The following MICB variants were observed in gnomAD, a reference collection of about 807,000 sequenced individuals.
MICB encodes MHC class I polypeptide-related sequence B, also known as MHC class I antigen-related protein B.
In MICB, 27 loss-of-function variants were observed where a neutral mutation model predicts 34.3. The observed-to-expected ratio is 0.79, with a 90% CI of 0.58 to 1.08. The LOEUF (loss-of-function observed/expected upper bound fraction) is 1.08. MICB is among the 50% of genes least tolerant of loss of function. The pLI is 0.00. For synonymous variants in MICB, 153 were observed against 187.4 expected, an observed-to-expected ratio of 0.82 and a Z score of 1.50; for missense variants, 426 against 483.1, an observed-to-expected ratio of 0.88 and a Z score of 1.11.
chr6:31,509,905 C>T lies in MICB; in HGVS notation c.1148C>T (p.Thr383Ile). 1 of 1,603,632 alleles carries T rather than the reference C, an allele frequency of 6.2e-7. No individual in the cohort carries two copies. Among genetic ancestry groups the T allele is most frequent in the Non-Finnish European group, 8.5e-7 (1 of 1,174,984 alleles). Residue 383 changes from threonine to isoleucine, a missense_variant, in exon 6 of 6, where the codon ACC becomes ATC. Transcript: ENST00000252229. ...ATGSTGSTEG[T>I] is the part of the protein sequence containing the mutation. ...GGGTCCACTGGTTCCACTGAGGGCA[C>T]CTAGACTCTACAGCCAGGCGGCCAG...
At chr6:31,505,298 G>A (rs1189375528) in intron 1 of MICB, among the ~76,000 whole-genome samples, 3 of 146,042 alleles carry the variant, frequency 2.1e-5, no homozygotes, top group African/African-American at 7.3e-5. Flanking sequence ...TTCCAACACT[G>A]CCTTCATGCT....
rs41283858 is a variant in MICB at position 31,504,248 on chromosome 6, C to CTTTTTT, written c.71-1364_71-1363insTTTTTT. On this transcript the variant is annotated intron_variant, in intron 1 of 5. Coordinates refer to ENST00000252229, the MANE Select transcript of MICB (RefSeq NM_005931.5). ...GCATATTCTGGAAACTAATCTCTCTCTTTTTCTTTTTTTTTTTTTTTTTTT... is the reference window on the plus strand; with the variant it reads ...GCATATTCTGGAAACTAATCTCTCTCTTTTTTTTTTTCTTTTTTTTTTTTTTTTTTT... Among the ~76,000 whole-genome samples, 59 of 71,402 alleles carry CTTTTTT rather than the reference C, an allele frequency of 8.3e-4. 1 individual carries two copies. The highest frequency in any genetic ancestry group is 3.6e-3 in the East Asian group (8 of 2,248). 46.8% of individuals were successfully genotyped at this position (71,402 alleles called of 152,430 possible).
chr6:31,496,273 T>C (rs6916394), upstream of MICB, among the ~76,000 whole-genome samples: 51,425 of 152,098 alleles, frequency 0.34, 8,844 homozygotes, highest in East Asian at 0.46. Flanking sequence ...TAATTTATCG[T>C]TTTAAAGTGT....
rs1463229139 is a variant in MICB, at chr6:31,507,600, C to T, written c.1024+69C>T. On this transcript the variant is annotated intron_variant, in intron 5 of 5. Transcript: ENST00000252229. This position sits in a 1 kb window ranked among gnomAD's most constrained non-coding sequence, Gnocchi z 6.0. ...TAGGCAGTAGGGTCTCCTCATTGCT[C>T]CTGCCCAGACAAGACGTAGGTGACA... 21 of 1,583,354 alleles carry T rather than the reference C, an allele frequency of 1.3e-5. No homozygotes were observed. Among genetic ancestry groups the T allele is most frequent in the East Asian group, 2.2e-5 (1 of 44,724 alleles).
intron 1 of MICB, among the ~76,000 whole-genome samples, chr6:31,499,787 CCTCCGCCCCT>C (rs1398134594): frequency 6.6e-6 from 1 of 152,162 alleles, no homozygotes; most frequent in Non-Finnish European, 1.5e-5. Flanking sequence ...CTCCCTGGTC[CCTCCGCCCCT>C]CTCCACCTTG....
Position 31,505,752 on chromosome 6 carries a change from A to G in MICB, c.206A>G (p.Gln69Arg). 6.2e-7 allele frequency: 1 copy of G among 1,613,218 alleles called. No individual in the cohort carries two copies. Among genetic ancestry groups the G allele is most frequent in the Non-Finnish European group, 8.5e-7 (1 of 1,180,036 alleles). The part of the protein sequence containing the change: ...YDRQKRRAKP[Q>R]GQWAENVLGA... ...AGGCAGAAACGCAGGGCAAAGCCCC[A>G]GGGACAGTGGGCAGAAAATGTCCTG... Residue 69 changes from glutamine (Q) to arginine (R), a missense_variant, in exon 2 of 6, where the codon CAG becomes CGG. Physicochemically the swap from Gln to Arg is conservative, Grantham distance 43. Transcript: ENST00000252229.
rs760425014 is a variant in MICB at position 31,507,126 on chromosome 6, C to T, written c.718C>T (p.Arg240Cys). ...TCCCCGGAATATCACACTGACCTGG[C>T]GTCAGGATGGGGTATCTTTGAGCCA... is the stretch of plus-strand genomic sequence containing the variant. ...FYPRNITLTWRQDGVSLSHNT... is the reference protein window; with the variant it reads ...FYPRNITLTWCQDGVSLSHNT... Residue 240 changes from arginine to cysteine, a missense_variant, in exon 4 of 6, where the codon CGT (arginine) becomes TGT (cysteine). Arg to Cys is a radical substitution (Grantham distance 180, BLOSUM62 -3). Transcript: ENST00000252229. The surrounding 1 kb of genome is among the most constrained non-coding windows in gnomAD (Gnocchi z 6.0). The T allele has an allele frequency of 7.4e-6, 12 of 1,613,984 alleles. No homozygotes were observed. Among genetic ancestry groups the T allele is most frequent in the Admixed American group, 3.3e-5 (2 of 59,998 alleles).
At position 31,509,885 on chromosome 6, in the gene MICB, C is replaced by T. The variant is rs1765572093; in HGVS notation, c.1128C>T (p.Ser376=). 6.2e-7 allele frequency: 1 copy of T among 1,612,470 alleles called. No homozygotes were observed. The highest frequency in any genetic ancestry group is 8.5e-7 in the Non-Finnish European group (1 of 1,179,038). Residue 376 remains serine, a synonymous_variant, in exon 6 of 6, where the codon TCC becomes TCT. Coordinates refer to ENST00000252229, the MANE Select transcript of MICB (RefSeq NM_005931.5). ...AGCCTCTGATGTCAGCTACTGGGTC[C>T]ACTGGTTCCACTGAGGGCACCTAGA... is the stretch of plus-strand genomic sequence containing the variant. ...GFQPLMSATG[S]TGSTEGT is the part of the protein sequence containing the mutation.
Position 31,507,709 on chromosome 6 carries a change from C to T in MICB, c.1024+178C>T, listed in dbSNP as rs3132468. On this transcript the variant is annotated intron_variant, in intron 5 of 5. Coordinates refer to ENST00000252229, the MANE Select transcript of MICB (RefSeq NM_005931.5). The surrounding 1 kb of genome is among the most constrained non-coding windows in gnomAD (Gnocchi z 6.0). ...CTCCATCTACACCCATAAGTGCTTC[C>T]CAAGCCAGGGCTGGGGCAAGGCCTT... Among the ~76,000 whole-genome samples, 117,449 of 151,924 alleles carry T rather than the reference C, an allele frequency of 0.77. 45,642 individuals are homozygous for T. Among genetic ancestry groups the T allele is most frequent in the East Asian group, 0.88 (4,521 of 5,128 alleles).
At chr6:31,499,445 C>A (rs1214321165) in intron 1 of MICB, among the ~76,000 whole-genome samples, 1 of 151,988 alleles carries the variant, frequency 6.6e-6, no homozygotes, top group African/African-American at 2.4e-5. Context: ...CCTCCTGCCT[C>A]CTTTATGGGC....
chr6:31,497,697 T>G (rs1764740594), upstream of MICB, among the ~76,000 whole-genome samples: 1 of 152,020 alleles, frequency 6.6e-6, no homozygotes, highest in Non-Finnish European at 1.5e-5. Context: ...TGTGCGCGGT[T>G]GAGGGAGTGT....
At chr6:31,495,940 CGGTACCATCAGGAA>C (rs1764630273), upstream of MICB, among the ~76,000 whole-genome samples, 1 of 152,116 alleles carries the variant, frequency 6.6e-6, no homozygotes, top group Non-Finnish European at 1.5e-5. Flanking sequence ...AGGGCACAGT[CGGTACCATCAGGAA>C]GGTTCAAACC....
chr6:31,502,384 G>A (rs1192202345), intron 1 of MICB, among the ~76,000 whole-genome samples: 6 of 152,180 alleles, frequency 3.9e-5, no homozygotes, highest in Non-Finnish European at 5.9e-5. Context: ...AACATGGAAT[G>A]CCTTTTCCAT....
At chr6:31,509,690 T>C (rs1010187534) in intron 5 of MICB, 92 bp from the exon 6 acceptor site, 1 of 1,431,458 alleles carries the variant, frequency 7.0e-7, no homozygotes, top group African/African-American at 1.5e-5. Flanking sequence ...AGGGCGAATC[T>C]GATTTTGGGG....
In MICB at chr6:31,507,876, A is replaced by G. The variant is rs180924984; in HGVS notation, c.1024+345A>G. ...GTCCAGGTGGGGTGAGTTGGGAATC[A>G]CGTGCTGATTGCTGAGGGCCTGGAT... On this transcript the variant is annotated intron_variant, in intron 5 of 5. Coordinates refer to ENST00000252229, the MANE Select transcript of MICB (RefSeq NM_005931.5). This position sits in a 1 kb window ranked among gnomAD's most constrained non-coding sequence, Gnocchi z 6.0. Among the ~76,000 whole-genome samples, 533 of 152,182 alleles carry G rather than the reference A, an allele frequency of 3.5e-3. 5 individuals carry two copies. The highest frequency in any genetic ancestry group is 0.012 in the African/African-American group (518 of 41,508).
intron 1 of MICB, among the ~76,000 whole-genome samples, chr6:31,504,252 T>TTTG (rs1765166382): frequency 1.0e-5 from 1 of 99,116 alleles, no homozygotes; most frequent in Non-Finnish European, 2.0e-5. Context: ...CTCTCTCTTT[T>TTTG]TCTTTTTTTT....
chr6:31,499,826 A>G (rs28587960), intron 1 of MICB, among the ~76,000 whole-genome samples: 50,444 of 150,906 alleles, frequency 0.33, 8,343 homozygotes, highest in East Asian at 0.45. Context: ...TGCTGCTCCT[A>G]TCTCTTGCCC....
rs951344469 is a variant in MICB at position 31,510,123 on chromosome 6, T to C, written c.*214T>C. ...CAACTCAACATTCCATTGGAGGCTA[T>C]ATGATCAAACAGCAAATTGTTTATC... On this transcript the variant is annotated 3_prime_UTR_variant, in exon 6 of 6. Transcript: ENST00000252229. The C allele has an allele frequency of 2.2e-6, 1 of 458,572 alleles. No individual in the cohort carries two copies. Among genetic ancestry groups the C allele is most frequent in the Non-Finnish European group, 3.7e-6 (1 of 268,308 alleles). The allele number at this position is 458,572 out of a possible 1,614,324, so 28.4% of individuals were successfully genotyped here.
chr6:31,503,163 A>T (rs1304062824), intron 1 of MICB, among the ~76,000 whole-genome samples: 1 of 152,210 alleles, frequency 6.6e-6, no homozygotes, highest in African/African-American at 2.4e-5. Context: ...CTCAATGTTC[A>T]TCAGGGATAT....
Sources: gnomAD v4.1 joint callset for allele counts (sites outside exome capture counted in the v4.1 genomes callset) on GRCh38, gnomAD v4.1.1 for gene constraint, Gnocchi (gnomAD v3.1) non-coding constraint, MANE v1.5 for transcripts, NCBI Gene and HGNC (gene_info 2026-07-23, HGNC 2026-07-21) for gene names.